Variants in FHOD3 observed in about 807,000 individuals in gnomAD.
The protein encoded by FHOD3 is FH1/FH2 domain-containing protein 3.
In FHOD3, 90 loss-of-function variants were observed where a neutral mutation model predicts 173.0. The observed-to-expected ratio is 0.52, with a 90% CI of 0.44 to 0.62. The LOEUF (loss-of-function observed/expected upper bound fraction) is 0.62, where lower values mean the gene tolerates loss of function less well. Ranked by LOEUF, FHOD3 falls within the 20% of genes least tolerant of loss-of-function variation. The pLI is 0.00. For missense variants in FHOD3, 1,945 were observed against 2,034.7 expected (o/e 0.96, Z 0.85); for synonymous variants, 828 against 823.0 (o/e 1.01, Z -0.10).
intron 17 of FHOD3, among the ~76,000 whole-genome samples, chr18:36,694,106 C>T (rs2039121653): frequency 6.6e-6 from 1 of 152,160 alleles, no homozygotes; most frequent in Non-Finnish European, 1.5e-5. Flanking sequence ...CGTTTTCTTT[C>T]ACATTAACAC....
intron 5 of FHOD3, among the ~76,000 whole-genome samples, chr18:36,568,035 G>A (rs1479717127): frequency 1.3e-5 from 2 of 151,570 alleles, no homozygotes; most frequent in Non-Finnish European, 2.9e-5. Flanking sequence ...TAAGAAGGGG[G>A]AGCCTCAGCT....
rs532483870 is a variant in FHOD3, at chr18:36,356,558, C to T, written c.272+913C>T. On this transcript the variant is annotated intron_variant, in intron 2 of 28. Coordinates refer to ENST00000590592, the MANE Select transcript of FHOD3 (RefSeq NM_001281740.3). ...AGTTGCCCAGGCTGGAGTGCAGTGG[C>T]GTGATCTCGGCTCACTGCAGCCTCT... Among the ~76,000 whole-genome samples, 9 of 151,934 alleles carry T rather than the reference C, an allele frequency of 5.9e-5. No homozygotes were observed. The South Asian group carries it at 1.2e-3, about 21-fold the overall frequency.
At position 36,779,667 on chromosome 18, in the gene FHOD3, C is replaced by T. The variant is rs2043951617; in HGVS notation, c.*137C>T. Reference sequence around the variant, plus strand: ...AGGGAGAGCTCAATTCCCAGCGTCACCCCATGGCTTGTGTTGCCTGCTACG... The same window carrying T: ...AGGGAGAGCTCAATTCCCAGCGTCATCCCATGGCTTGTGTTGCCTGCTACG... On this transcript the variant is annotated 3_prime_UTR_variant, in exon 29 of 29. Transcript: ENST00000590592. The T allele has an allele frequency of 1.5e-5, 11 of 735,898 alleles. No homozygotes were observed. The South Asian group carries it at 1.7e-4, about 11-fold the overall frequency. The allele number at this position is 735,898 out of a possible 1,614,324, so 45.6% of individuals were successfully genotyped here.
chr18:36,580,123 T>A (rs961806259), intron 6 of FHOD3, among the ~76,000 whole-genome samples: 1 of 152,158 alleles, frequency 6.6e-6, no homozygotes, highest in Admixed American at 6.5e-5. Context: ...ATTATAAAAT[T>A]AAAAAGTTTC....
At chr18:36,511,055 T>C (rs1188450447) in intron 4 of FHOD3, among the ~76,000 whole-genome samples, 2 of 152,254 alleles carry the variant, frequency 1.3e-5, no homozygotes, top group African/African-American at 4.8e-5. Flanking sequence ...TTCATCTACA[T>C]TATTTTTTCT....
chr18:36,763,930 T>G (rs1193637267), intron 27 of FHOD3, among the ~76,000 whole-genome samples: 1 of 152,152 alleles, frequency 6.6e-6, no homozygotes, highest in African/African-American at 2.4e-5. Flanking sequence ...CAAACCTCTT[T>G]CCAAAACTGT....
intron 9 of FHOD3, among the ~76,000 whole-genome samples, chr18:36,619,058 C>A (rs951818955): frequency 1.3e-5 from 2 of 152,192 alleles, no homozygotes; most frequent in Non-Finnish European, 2.9e-5. Flanking sequence ...TTCTGGGACC[C>A]AAGGCTGCTT....
At position 36,769,351 on chromosome 18, in the gene FHOD3, AAGTCAGCC is replaced by A; in HGVS notation, c.4713_4720del (p.Lys1571AsnfsTer127). Reference sequence around the variant, plus strand: ...TGATGAGATCATGGACCGCATCGTCAAGTCAGCCACCCAAGTGCCCAGTCAGCGAGTGG... The same window carrying A: ...TGATGAGATCATGGACCGCATCGTCAACCCAAGTGCCCAGTCAGCGAGTGG... On this transcript the variant is annotated frameshift_variant, in exon 28 of 29. Coordinates refer to ENST00000590592, the MANE Select transcript of FHOD3 (RefSeq NM_001281740.3). LOFTEE classifies it high-confidence loss of function. 1 of 1,614,188 alleles carries A rather than the reference AAGTCAGCC, an allele frequency of 6.2e-7. No homozygotes were observed. The highest frequency in any genetic ancestry group is 8.5e-7 in the Non-Finnish European group (1 of 1,180,034).
chr18:36,646,167 G>A (rs1290551446), intron 10 of FHOD3, among the ~76,000 whole-genome samples: 1 of 152,134 alleles, frequency 6.6e-6, no homozygotes, highest in Non-Finnish European at 1.5e-5. Context: ...AAGTCTAAAA[G>A]AAGCTCTAGA....
chr18:36,583,805 A>AATT (rs112886691), intron 6 of FHOD3, among the ~76,000 whole-genome samples: 461 of 151,130 alleles, frequency 3.1e-3, no homozygotes, highest in African/African-American at 7.5e-3. Flanking sequence ...TTTATTGTTT[A>AATT]ATTATTATTA....
chr18:36,708,753 G>A (rs778102660), intron 17 of FHOD3, among the ~76,000 whole-genome samples: 63 of 152,200 alleles, frequency 4.1e-4, no homozygotes, highest in Non-Finnish European at 6.6e-4. Flanking sequence ...CTGTCAAGCA[G>A]CAGTGATGTG....
At chr18:36,636,583 C>A (rs371157885) in intron 10 of FHOD3, among the ~76,000 whole-genome samples, 3 of 151,762 alleles carry the variant, frequency 2.0e-5, no homozygotes, top group African/African-American at 7.3e-5. Context: ...AATCCAGAGA[C>A]TATTATATCA....
At chr18:36,571,593 A>G (rs2058454220) in intron 5 of FHOD3, among the ~76,000 whole-genome samples, 1 of 152,256 alleles carries the variant, frequency 6.6e-6, no homozygotes, top group African/African-American at 2.4e-5. Flanking sequence ...ACGAATAGGA[A>G]GAATCATACT....
In FHOD3 at chr18:36,432,581, A is replaced by G. The variant is rs376241907; in HGVS notation, c.337+59837A>G. Among the ~76,000 whole-genome samples, 12 of 152,276 alleles carry G rather than the reference A, an allele frequency of 7.9e-5. 1 individual carries two copies. Among genetic ancestry groups the G allele is most frequent in the Admixed American group, 3.3e-4 (5 of 15,302 alleles). On this transcript the variant is annotated intron_variant, in intron 3 of 28. Coordinates refer to ENST00000590592, the MANE Select transcript of FHOD3 (RefSeq NM_001281740.3). ...TGTGACTCAGGGAACCCTTGCATGTATGCTGGGTGTCCAGTTCTGCCCATT... is the reference window on the plus strand; with the variant it reads ...TGTGACTCAGGGAACCCTTGCATGTGTGCTGGGTGTCCAGTTCTGCCCATT...
At chr18:36,494,632 C>T (rs1023127159) in intron 3 of FHOD3, among the ~76,000 whole-genome samples, 4 of 152,164 alleles carry the variant, frequency 2.6e-5, no homozygotes, top group African/African-American at 9.7e-5. Flanking sequence ...CCAGCTTCTC[C>T]CCAGCTGCTG....
intron 20 of FHOD3, among the ~76,000 whole-genome samples, chr18:36,737,425 C>T (rs1330622229): frequency 6.6e-6 from 1 of 152,152 alleles, no homozygotes; most frequent in Non-Finnish European, 1.5e-5. Flanking sequence ...TTTAAGGAGG[C>T]AACATCTGCT....
At chr18:36,573,979 A>C (rs773838740) in intron 5 of FHOD3, among the ~76,000 whole-genome samples, 7 of 152,180 alleles carry the variant, frequency 4.6e-5, no homozygotes, top group Non-Finnish European at 8.8e-5. Context: ...CCCTGGCTGG[A>C]AGTGGGCTCT....
intron 23 of FHOD3, 27 bp downstream of exon 23, chr18:36,744,220 G>A (rs1363385847): frequency 6.3e-7 from 1 of 1,593,134 alleles, no homozygotes; most frequent in African/African-American, 1.4e-5. Flanking sequence ...TGAGGAGTGG[G>A]CCTGGTCTCG....
intron 20 of FHOD3, among the ~76,000 whole-genome samples, chr18:36,736,726 A>C (rs1428075104): frequency 6.6e-6 from 1 of 152,110 alleles, no homozygotes; most frequent in African/African-American, 2.4e-5. Context: ...TTATGGGTAC[A>C]GGATGGGGGT....
Sources: gnomAD v4.1 joint callset for allele counts (sites outside exome capture counted in the v4.1 genomes callset) on GRCh38, gnomAD v4.1.1 for gene constraint, MANE v1.5 for transcripts, NCBI Gene and HGNC (gene_info 2026-07-23, HGNC 2026-07-21) for gene names.